Variants in ITPR1 observed in about 807,000 individuals in gnomAD.
ITPR1 encodes inositol 1,4,5-trisphosphate receptor type 1.
In ITPR1, 96 loss-of-function variants were observed where a neutral mutation model predicts 318.4. The ratio of observed to expected loss-of-function variants is 0.30; its 90% CI spans 0.26 to 0.36. The LOEUF is 0.36. ITPR1 is among the 10% of genes least tolerant of loss of function. The pLI is 1.00. For synonymous variants in ITPR1, 1,312 were observed against 1,289.9 expected, an observed-to-expected ratio of 1.02 and a Z score of -0.37; for missense variants, 2,440 against 3,460.2, an observed-to-expected ratio of 0.71 and a Z score of 7.40.
intron 54 of ITPR1, among the ~76,000 whole-genome samples, chr3:4,804,411 G>A (rs2048431284): frequency 6.6e-6 from 1 of 152,208 alleles, no homozygotes; most frequent in African/African-American, 2.4e-5. Context: ...CAGAATCCTT[G>A]GAGACTTCAC....
At chr3:4,611,013 TC>T (rs1423421625) in intron 4 of ITPR1, among the ~76,000 whole-genome samples, 48 of 46,190 alleles carry the variant, frequency 1.0e-3, no homozygotes, top group Admixed American at 9.0e-3. Context: ...TCCCTTCCCT[TC>T]CCCTTCCCCT....
At chr3:4,820,843 G>T (rs533471467) in intron 60 of ITPR1, among the ~76,000 whole-genome samples, 2 of 152,176 alleles carry the variant, frequency 1.3e-5, no homozygotes, top group Non-Finnish European at 2.9e-5. Context: ...TCCTAAGGGA[G>T]CATTAGCCCC....
Position 4,674,530 on chromosome 3 carries a change from T to C in ITPR1, c.2598+187T>C, listed in dbSNP as rs3804984. Among the ~76,000 whole-genome samples the C allele has an allele frequency of 0.4, 60,892 of 152,006 alleles. 12,951 individuals are homozygous for C. Among genetic ancestry groups the C allele is most frequent in the East Asian group, 0.8 (4,165 of 5,178 alleles). The stretch of plus-strand genomic sequence containing the variant: ...AACGGATACCAGTCACATGGCTTAA[T>C]AGTAGTTATGGGCTTAAAAGAAATA... On this transcript the variant is annotated intron_variant, in intron 22 of 61. Transcript: ENST00000649015.
chr3:4,606,077 G>C (rs887232758), intron 4 of ITPR1, among the ~76,000 whole-genome samples: 2 of 152,144 alleles, frequency 1.3e-5, no homozygotes, highest in Non-Finnish European at 2.9e-5. Context: ...AGGGGAAAGA[G>C]CCTTCCCCAC....
At chr3:4,808,567 G>T (rs1462121791) in intron 55 of ITPR1, among the ~76,000 whole-genome samples, 1 of 152,202 alleles carries the variant, frequency 6.6e-6, no homozygotes, top group Non-Finnish European at 1.5e-5. Context: ...CCTGTGCTTT[G>T]CGGGGGGATT....
chr3:4,709,732 A>C (rs1176121410), intron 37 of ITPR1, among the ~76,000 whole-genome samples: 1 of 152,220 alleles, frequency 6.6e-6, no homozygotes, highest in Non-Finnish European at 1.5e-5. Flanking sequence ...CTATCAGGGT[A>C]CATGTATTTA....
Position 4,783,877 on chromosome 3 carries a change from A to T in ITPR1, c.6572A>T (p.Asp2191Val). ...MLKPGGQVDG[D>V]EALEFYAKHT... ...AAACCTGGTGGCCAAGTGGACGGAG[A>T]TGAAGCCCTGGAGTTTTATGCCAAG... The change falls in exon 51 of 62, where the codon GAT (aspartate) becomes GTT (valine). Residue 2191 changes from aspartate (D) to valine (V), a missense_variant. Transcript: ENST00000649015. The T allele has an allele frequency of 6.2e-7, 1 of 1,610,576 alleles. No homozygotes were observed. Among genetic ancestry groups the T allele is most frequent in the Admixed American group, 1.7e-5 (1 of 59,614 alleles).
chr3:4,773,445 C>T (rs1389829359), intron 46 of ITPR1, among the ~76,000 whole-genome samples: 1 of 152,230 alleles, frequency 6.6e-6, no homozygotes, highest in Non-Finnish European at 1.5e-5. Flanking sequence ...AGAGTTGCCT[C>T]TCTTTCATCC....
At chr3:4,567,199 C>G (rs2087392594) in intron 4 of ITPR1, among the ~76,000 whole-genome samples, 1 of 152,064 alleles carries the variant, frequency 6.6e-6, no homozygotes, top group African/African-American at 2.4e-5. Context: ...GTGGAGTCTC[C>G]CCTTCAATTC....
At position 4,789,066 on chromosome 3, in the gene ITPR1, G is replaced by A. The variant is rs1212199258; in HGVS notation, c.6808+927G>A. On this transcript the variant is annotated intron_variant, in intron 52 of 61. Transcript: ENST00000649015. Reference sequence around the variant, plus strand: ...GCCTGCATCCCTAGATCAGGCTAATGGCAGATAAGGTGGTGCAAGAAGGTT... The same window carrying A: ...GCCTGCATCCCTAGATCAGGCTAATAGCAGATAAGGTGGTGCAAGAAGGTT... Among the ~76,000 whole-genome samples, 4 of 152,152 alleles carry A rather than the reference G, an allele frequency of 2.6e-5. No individual in the cohort carries two copies. In the East Asian group the frequency reaches 7.7e-4, roughly 29 times the overall value.
chr3:4,822,076 C>T (rs1246585026), intron 60 of ITPR1, among the ~76,000 whole-genome samples: 1 of 152,168 alleles, frequency 6.6e-6, no homozygotes, highest in Non-Finnish European at 1.5e-5. Context: ...CTTCCCTCGC[C>T]GTGTGACCCT....
intron 12 of ITPR1, among the ~76,000 whole-genome samples, chr3:4,654,281 G>T (rs1189257840): frequency 6.6e-6 from 1 of 152,226 alleles, no homozygotes; most frequent in Non-Finnish European, 1.5e-5. Flanking sequence ...GAGTAAGTAT[G>T]TGAGGTGGAT....
Position 4,693,476 on chromosome 3 carries a change from T to C in ITPR1, c.4030-14T>C. 1 of 1,611,426 alleles carries C rather than the reference T, an allele frequency of 6.2e-7. No individual in the cohort carries two copies. On this transcript the variant is annotated splice_polypyrimidine_tract_variant and intron_variant, in intron 32 of 61. Coordinates refer to ENST00000649015, the MANE Select transcript of ITPR1 (RefSeq NM_001378452.1). ...GCAAGCTTGTAATCTAAACCCACCC[T>C]GTTCTTTATGTAGCTGGTCAATTCG...
At chr3:4,563,307 A>G (rs2086870975) in intron 4 of ITPR1, among the ~76,000 whole-genome samples, 1 of 152,144 alleles carries the variant, frequency 6.6e-6, no homozygotes, top group East Asian at 1.9e-4. Context: ...CAGGAGTTCA[A>G]GACCAGCCCG....
rs2046700822 is a variant in ITPR1, at chr3:4,779,726, G to A, written c.6387+81G>A. ...GGACAGAGCAGAGGATCTGCTTCCT[G>A]GAGCTTTCTTGAAGGTTCCCAAAGT... On this transcript the variant is annotated intron_variant, in intron 49 of 61. Transcript: ENST00000649015. The surrounding 1 kb of genome is among the most constrained non-coding windows in gnomAD (Gnocchi z 4.0). The A allele has an allele frequency of 1.0e-6, 1 of 982,904 alleles. No homozygotes were observed. Among genetic ancestry groups the A allele is most frequent in the Admixed American group, 1.9e-5 (1 of 53,734 alleles). 60.9% of individuals were successfully genotyped at this position (982,904 alleles called of 1,614,324 possible).
At chr3:4,660,058 C>A (rs1269945105) in intron 13 of ITPR1, among the ~76,000 whole-genome samples, 1 of 152,178 alleles carries the variant, frequency 6.6e-6, no homozygotes, top group Non-Finnish European at 1.5e-5. Flanking sequence ...TTTATGTGTT[C>A]TACAAGGTGC....
At chr3:4,770,147 G>A (rs371020591) in intron 46 of ITPR1, among the ~76,000 whole-genome samples, 1 of 152,178 alleles carries the variant, frequency 6.6e-6, no homozygotes, top group Non-Finnish European at 1.5e-5. Flanking sequence ...TGCTAGTCCA[G>A]ATCTGGCCAG....
chr3:4,510,460 G>A (rs1281953849), intron 2 of ITPR1, among the ~76,000 whole-genome samples: 1 of 152,192 alleles, frequency 6.6e-6, no homozygotes, highest in Non-Finnish European at 1.5e-5. Flanking sequence ...AAATGATACT[G>A]GCTGAGACTC....
intron 58 of ITPR1, 79 bp from the exon 59 acceptor site, chr3:4,814,974 C>T: frequency 1.7e-6 from 2 of 1,194,586 alleles, no homozygotes; most frequent in South Asian, 1.5e-5. Context: ...GATGAGGTCT[C>T]ACTTGAGCTG....
Sources: gnomAD v4.1 joint callset for allele counts (sites outside exome capture counted in the v4.1 genomes callset) on GRCh38, gnomAD v4.1.1 for gene constraint, Gnocchi (gnomAD v3.1) non-coding constraint, MANE v1.5 for transcripts, NCBI Gene and HGNC (gene_info 2026-07-23, HGNC 2026-07-21) for gene names.